Variants in SESN1 observed in about 807,000 individuals in gnomAD.
SESN1 encodes sestrin 1.
Under a neutral mutation model 59.3 loss-of-function variants are expected in SESN1, and 30 were observed. The ratio of observed to expected loss-of-function variants is 0.51; its 90% CI spans 0.38 to 0.69. The LOEUF is 0.69. SESN1 is among the 30% of genes least tolerant of loss of function. The probability of loss-of-function intolerance (pLI) is 0.00; values close to 1 mark genes in which losing one functional copy is unlikely to be tolerated. For missense variants in SESN1, 566 were observed against 673.0 expected, an observed-to-expected ratio of 0.84 and a Z score of 1.76; for synonymous variants, 197 against 219.9, an observed-to-expected ratio of 0.90 and a Z score of 0.92.
intron 1 of SESN1, among the ~76,000 whole-genome samples, chr6:109,003,076 A>C (rs1779661385): frequency 1.3e-5 from 2 of 152,062 alleles, no homozygotes; most frequent in Non-Finnish European, 2.9e-5. Flanking sequence ...TATGGTTAAC[A>C]AGAACTGAAA....
chr6:108,989,556 G>T (rs1583256798), intron 8 of SESN1, among the ~76,000 whole-genome samples: 1 of 104,180 alleles, frequency 9.6e-6, no homozygotes, highest in Non-Finnish European at 2.0e-5. Flanking sequence ...TCTAGATCTA[G>T]ATCTCTAGAT....
At chr6:109,073,316 T>C (rs1472481181) in intron 1 of SESN1, among the ~76,000 whole-genome samples, 6 of 152,162 alleles carry the variant, frequency 3.9e-5, no homozygotes, top group African/African-American at 7.2e-5. Context: ...CTAAAGATGG[T>C]AGGTGCTCAA....
intron 1 of SESN1, among the ~76,000 whole-genome samples, chr6:109,029,562 G>A (rs1780149627): frequency 6.6e-6 from 1 of 152,030 alleles, no homozygotes; most frequent in South Asian, 2.1e-4. Context: ...TTTAAGATGG[G>A]TTCTTGCTCT....
chr6:109,003,961 C>T (rs543780452), intron 1 of SESN1, among the ~76,000 whole-genome samples: 8 of 152,054 alleles, frequency 5.3e-5, no homozygotes, highest in Non-Finnish European at 1.0e-4. Flanking sequence ...AGGAAAATGC[C>T]TGTTTCAAGG....
Position 108,988,576 on chromosome 6 carries a change from A to G in SESN1, c.1536T>C (p.Asp512=), listed in dbSNP as rs143180288. The change falls in exon 9 of 10, where the codon GAT becomes GAC. Residue 512 remains aspartate (D), a synonymous_variant. Transcript: ENST00000436639. ...AGTGCTTGAACTGCCTCCAGAAGCT[A>G]TCATACATTCTTTTGGTAACCTTTT... ...TPEKVTKRMY[D]SFWRQFKHSE... The G allele has an allele frequency of 3.2e-5, 51 of 1,612,860 alleles. No homozygotes were observed. The African/African-American group carries it at 6.5e-4, about 21-fold the overall frequency.
chr6:109,070,149 T>C (rs745828375), intron 1 of SESN1, among the ~76,000 whole-genome samples: 1 of 152,152 alleles, frequency 6.6e-6, no homozygotes, highest in Non-Finnish European at 1.5e-5. Context: ...GATTTGAATG[T>C]AGGAAGTGCA....
In SESN1 at chr6:108,984,796, C is replaced by G. The variant is rs1055279157; in HGVS notation, c.*2748G>C. Among the ~76,000 whole-genome samples, 3 of 152,304 alleles carry G rather than the reference C, an allele frequency of 2.0e-5. No homozygotes were observed. Among genetic ancestry groups the G allele is most frequent in the South Asian group, 4.1e-4 (2 of 4,826 alleles). ...CTGAATTTATGCTTCCTCTTGATCA[C>G]ACCATCCTCTGCTGGGGAAGAGCTA... On this transcript the variant is annotated 3_prime_UTR_variant, in exon 10 of 10. Coordinates refer to ENST00000436639, the MANE Select transcript of SESN1 (RefSeq NM_014454.3).
chr6:109,022,411 CTTTTTTTTTTT>C (rs779366759), intron 1 of SESN1, among the ~76,000 whole-genome samples: 62 of 65,878 alleles, frequency 9.4e-4, no homozygotes, highest in Non-Finnish European at 1.0e-3. Context: ...TGTTCTAAAG[CTTTTTTTTTTT>C]TTTTTTTTTT....
intron 1 of SESN1, among the ~76,000 whole-genome samples, chr6:109,078,545 A>T (rs574936823): frequency 9.2e-5 from 14 of 152,168 alleles, no homozygotes; most frequent in Admixed American, 2.0e-4. Context: ...TAATATTCAA[A>T]CTGCCCTCTA....
chr6:109,024,304 T>C (rs988478692), intron 1 of SESN1, among the ~76,000 whole-genome samples: 1 of 152,132 alleles, frequency 6.6e-6, no homozygotes. Context: ...GGGACTACCA[T>C]TAAACTGATA....
rs115195280 is a variant in SESN1 at position 109,062,071 on chromosome 6, T to C, written c.279+31724A>G. 8.0e-3 allele frequency among the ~76,000 whole-genome samples: 1,225 copies of C among 152,218 alleles called. 21 individuals carry two copies. Among genetic ancestry groups the C allele is most frequent in the African/African-American group, 0.028 (1,174 of 41,538 alleles). ...ACAGGGTCTTACTCTGTCACCCAGA[T>C]TGGAGTGCAGTGGTACAGTCACGGC... On this transcript the variant is annotated intron_variant, in intron 1 of 9. Coordinates refer to ENST00000436639, the MANE Select transcript of SESN1 (RefSeq NM_014454.3).
rs72937009 is a variant in SESN1 at position 109,008,077 on chromosome 6, C to G, written c.280-5734G>C. Among the ~76,000 whole-genome samples, 654 of 152,192 alleles carry G rather than the reference C, an allele frequency of 4.3e-3. 2 individuals carry two copies. Among genetic ancestry groups the G allele is most frequent in the Non-Finnish European group, 7.5e-3 (507 of 68,000 alleles). ...ATGAAATACAACTATACAAAGCTTC[C>G]CGGTTTCCTCAACACAATCCCATAA... On this transcript the variant is annotated intron_variant, in intron 1 of 9. Transcript: ENST00000436639.
At chr6:109,039,163 G>A (rs568119592) in intron 1 of SESN1, among the ~76,000 whole-genome samples, 1 of 151,782 alleles carries the variant, frequency 6.6e-6, no homozygotes, top group East Asian at 1.9e-4. Flanking sequence ...GGAGGAGGAG[G>A]AGAAGAAAGA....
chr6:109,035,696 G>A (rs1167400912), intron 1 of SESN1, among the ~76,000 whole-genome samples: 1 of 152,102 alleles, frequency 6.6e-6, no homozygotes, highest in Non-Finnish European at 1.5e-5. Context: ...AAATTCCTGG[G>A]CTTAAGTGAT....
chr6:109,027,589 AT>A (rs1280844272), intron 1 of SESN1, among the ~76,000 whole-genome samples: 1 of 150,664 alleles, frequency 6.6e-6, no homozygotes, highest in Non-Finnish European at 1.5e-5. Context: ...TTAACAAGTG[AT>A]TTTTTTCTCC....
rs80039036 is a variant in SESN1 at position 109,062,620 on chromosome 6, C to A, written c.279+31175G>T. Among the ~76,000 whole-genome samples, 1,183 of 152,254 alleles carry A rather than the reference C, an allele frequency of 7.8e-3. 20 individuals are homozygous for A. Among genetic ancestry groups the A allele is most frequent in the African/African-American group, 0.027 (1,136 of 41,526 alleles). On this transcript the variant is annotated intron_variant, in intron 1 of 9. Coordinates refer to ENST00000436639, the MANE Select transcript of SESN1 (RefSeq NM_014454.3). ...GGTGTGTGCGTGTGAAAGAGAGAGA[C>A]ACAGAAATAGCTGTATTAAAACATG...
intron 1 of SESN1, among the ~76,000 whole-genome samples, chr6:109,093,533 C>T (rs912226883): frequency 6.6e-6 from 1 of 151,946 alleles, no homozygotes; most frequent in African/African-American, 2.4e-5. Context: ...CATTTTCCAA[C>T]AACATGTAAA....
intron 1 of SESN1, among the ~76,000 whole-genome samples, chr6:109,017,098 T>C (rs1779938573): frequency 6.6e-6 from 1 of 152,082 alleles, no homozygotes; most frequent in Admixed American, 6.5e-5. Context: ...ATTGTGAAGG[T>C]GAATTTCGTC....
At chr6:109,019,292 C>T (rs993393317) in intron 1 of SESN1, among the ~76,000 whole-genome samples, 1 of 152,220 alleles carries the variant, frequency 6.6e-6, no homozygotes, top group African/African-American at 2.4e-5. Flanking sequence ...TGGCTCTCTA[C>T]ATCACTCACC....
Sources: gnomAD v4.1 joint callset for allele counts (sites outside exome capture counted in the v4.1 genomes callset) on GRCh38, gnomAD v4.1.1 for gene constraint, MANE v1.5 for transcripts, NCBI Gene and HGNC (gene_info 2026-07-23, HGNC 2026-07-21) for gene names.